Variants in CLTCL1 observed in about 807,000 individuals in gnomAD.
CLTCL1 encodes the protein clathrin heavy chain 2.
In CLTCL1, 159 loss-of-function variants were observed where a neutral mutation model predicts 190.0. The observed-to-expected ratio is 0.84, with a 90% CI of 0.74 to 0.95. The LOEUF (loss-of-function observed/expected upper bound fraction) is 0.95. CLTCL1 is among the 40% of genes least tolerant of loss of function. The pLI, the probability that CLTCL1 is intolerant of heterozygous loss-of-function variation, is 0.00. For synonymous variants in CLTCL1, 752 were observed against 769.6 expected, an observed-to-expected ratio of 0.98 and a Z score of 0.38; for missense variants, 1,878 against 2,033.4, an observed-to-expected ratio of 0.92 and a Z score of 1.47.
chr22:19,246,055 T>C (rs2145990116), intron 3 of CLTCL1, among the ~76,000 whole-genome samples: 1 of 151,780 alleles, frequency 6.6e-6, no homozygotes, highest in South Asian at 2.1e-4. Context: ...GGTAATTCTG[T>C]GTTTAACTTT....
At chr22:19,227,068 C>G in intron 11 of CLTCL1, among the ~76,000 whole-genome samples, 1 of 152,038 alleles carries the variant, frequency 6.6e-6, no homozygotes, top group East Asian at 1.9e-4. Context: ...GTTTCTATGG[C>G]AAGATCAATG....
chr22:19,207,010 A>ATTTTTT lies in CLTCL1; in HGVS notation c.3600+1138_3600+1143dup, dbSNP rs781980213. ...TGATTTTTGGTGACATAAACTACTA[A>ATTTTTT]TTTTTTTTTTTTTTTTTTTTTTTTG... On this transcript the variant is annotated intron_variant, in intron 22 of 32. Coordinates refer to ENST00000427926, the MANE Select transcript of CLTCL1 (RefSeq NM_007098.4). Among the ~76,000 whole-genome samples, 51 of 92,776 alleles carry ATTTTTT rather than the reference A, an allele frequency of 5.5e-4. 1 individual carries two copies. Among genetic ancestry groups the ATTTTTT allele is most frequent in the South Asian group, 1.1e-3 (3 of 2,692 alleles). 60.9% of individuals were successfully genotyped at this position (92,776 alleles called of 152,430 possible). A position where few individuals can be genotyped will look rare whatever the true frequency, so the allele number is the denominator to read the frequency against.
At chr22:19,276,732 C>G (rs189481757) in intron 1 of CLTCL1, among the ~76,000 whole-genome samples, 4 of 152,252 alleles carry the variant, frequency 2.6e-5, no homozygotes, top group East Asian at 1.9e-4. Flanking sequence ...TGCAGTGGTG[C>G]GATCTCGGCT....
intron 20 of CLTCL1, among the ~76,000 whole-genome samples, chr22:19,209,933 G>A (rs951794067): frequency 6.6e-6 from 1 of 152,102 alleles, no homozygotes; most frequent in Non-Finnish European, 1.5e-5. Context: ...AGGAGATGGG[G>A]GAATGGGGAG....
At chr22:19,263,971 C>T (rs1408144147) in intron 2 of CLTCL1, among the ~76,000 whole-genome samples, 1 of 152,032 alleles carries the variant, frequency 6.6e-6, no homozygotes, top group African/African-American at 2.4e-5. Context: ...AGAATGCCTA[C>T]AACTCAACAA....
At position 19,201,328 on chromosome 22, in the gene CLTCL1, C is replaced by A. The variant is rs1555939117; in HGVS notation, c.3765+1G>T. The A allele has an allele frequency of 6.2e-7, 1 of 1,609,102 alleles. No homozygotes were observed. Among genetic ancestry groups the A allele is most frequent in the Non-Finnish European group, 8.5e-7 (1 of 1,178,084 alleles). On this transcript the variant is annotated splice_donor_variant, in intron 23 of 32. Transcript: ENST00000427926. LOFTEE classifies it high-confidence loss of function. ...GCCGTCTGCAGTTGCCCGCAGCTCA[C>A]CTCCTTCCACGTCCGGGTGCTGCTG... is the stretch of plus-strand genomic sequence containing the variant.
At chr22:19,268,474 A>G (rs2087194596) in intron 2 of CLTCL1, among the ~76,000 whole-genome samples, 1 of 152,220 alleles carries the variant, frequency 6.6e-6, no homozygotes, top group Non-Finnish European at 1.5e-5. Context: ...GTATATCCAG[A>G]ATATATAAAG....
intron 2 of CLTCL1, among the ~76,000 whole-genome samples, chr22:19,268,272 T>C (rs900853421): frequency 1.6e-4 from 25 of 152,204 alleles, no homozygotes; most frequent in Admixed American, 1.2e-3. Context: ...CACTATCTGG[T>C]AGCATCTTAA....
chr22:19,212,126 A>G (rs1374585236), intron 19 of CLTCL1, among the ~76,000 whole-genome samples: 1 of 152,206 alleles, frequency 6.6e-6, no homozygotes, highest in Non-Finnish European at 1.5e-5. Flanking sequence ...CATAGTAAAG[A>G]TATCAATTCT....
chr22:19,190,697 A>T (rs1275817880), intron 27 of CLTCL1, among the ~76,000 whole-genome samples: 1 of 152,100 alleles, frequency 6.6e-6, no homozygotes, highest in Non-Finnish European at 1.5e-5. Context: ...AATGTGACAC[A>T]GGGACATGAA....
rs201296558 is a variant in CLTCL1 at position 19,187,631 on chromosome 22, G to T, written c.4532C>A (p.Ala1511Glu). The T allele has an allele frequency of 1.9e-6, 3 of 1,613,630 alleles. No individual in the cohort carries two copies. The highest frequency in any genetic ancestry group is 3.3e-5 in the Admixed American group (2 of 60,022). ...GTTATTGCCCTTGTACAGATAGGCC[G>T]CAATGCACCTGAACTCCATCAGCTG... ...KHQLMEFRCI[A>E]AYLYKGNNWW... Residue 1511 changes from alanine (A) to glutamate (E), a missense_variant, in exon 29 of 33, where the codon GCG becomes GAG. Transcript: ENST00000427926.
chr22:19,199,024 C>A (rs1235973119), intron 24 of CLTCL1, among the ~76,000 whole-genome samples: 2 of 152,160 alleles, frequency 1.3e-5, no homozygotes, highest in African/African-American at 2.4e-5. Context: ...AATATCTGGA[C>A]ACTCTGGCGC....
chr22:19,268,164 T>G (rs972680573), intron 2 of CLTCL1, among the ~76,000 whole-genome samples: 3 of 152,196 alleles, frequency 2.0e-5, no homozygotes, highest in Non-Finnish European at 2.9e-5. Context: ...TGGAGGGACT[T>G]AGGTTCCTTT....
chr22:19,290,701 G>A (rs1275785001), intron 1 of CLTCL1, among the ~76,000 whole-genome samples: 1 of 152,198 alleles, frequency 6.6e-6, no homozygotes, highest in Non-Finnish European at 1.5e-5. Flanking sequence ...TGTGAAAATA[G>A]GAACTTTCAA....
rs1555961821 is a variant in CLTCL1 at position 19,235,830 on chromosome 22, A to G, written c.835T>C (p.Tyr279His). 1 of 1,613,908 alleles carries G rather than the reference A, an allele frequency of 6.2e-7. No individual in the cohort carries two copies. Among genetic ancestry groups the G allele is most frequent in the East Asian group, 2.2e-5 (1 of 44,902 alleles). Residue 279 changes from tyrosine (Y) to histidine (H), a missense_variant, in exon 6 of 33, where the codon TAT becomes CAT. Coordinates refer to ENST00000427926, the MANE Select transcript of CLTCL1 (RefSeq NM_007098.4). ...KHGVIYLITK[Y>H]GYLHLYDLES... ...AGGTCGTACAGATGAAGATAGCCAT[A>G]CTTTGTGATCAAGTAAATAACACCA...
chr22:19,225,758 G>A (rs1295765181), intron 12 of CLTCL1, 125 bp from the exon 13 acceptor site: 1 of 929,172 alleles, frequency 1.1e-6, no homozygotes, highest in African/African-American at 1.7e-5. Flanking sequence ...TCCACATAAA[G>A]GGGTTGAAAA....
intron 1 of CLTCL1, among the ~76,000 whole-genome samples, chr22:19,277,573 A>T (rs533941618): frequency 7.9e-5 from 12 of 152,346 alleles, no homozygotes; most frequent in African/African-American, 2.6e-4. Flanking sequence ...TTTTTTAAAA[A>T]ATAGAACTTG....
intron 3 of CLTCL1, among the ~76,000 whole-genome samples, chr22:19,247,958 C>A (rs1303598967): frequency 6.6e-6 from 1 of 152,034 alleles, no homozygotes; most frequent in African/African-American, 2.4e-5. Context: ...CCCAGTATAG[C>A]CTTGTATGTG....
intron 3 of CLTCL1, chr22:19,250,070 A>C (rs1364931510): frequency 4.4e-6 from 1 of 224,828 alleles, no homozygotes; most frequent in African/African-American, 2.3e-5. Flanking sequence ...CCTGGCCAAC[A>C]TGATGAAACA....
Sources: allele counts gnomAD v4.1 joint callset (sites outside exome capture counted in the v4.1 genomes callset), GRCh38; gene constraint gnomAD v4.1.1; transcripts MANE v1.5; gene names NCBI Gene and HGNC (gene_info 2026-07-23, HGNC 2026-07-21).